The following KCNMB3 variants were observed in gnomAD, a reference collection of about 807,000 sequenced individuals.
KCNMB3 encodes calcium-activated potassium channel subunit beta-3.
KCNMB3 carries 18 observed loss-of-function variants against 11.9 expected under a neutral mutation model. The ratio of observed to expected loss-of-function variants is 1.51; its 90% CI spans 1.04 to 2.23. The LOEUF is 2.23. Among genes scored for constraint, KCNMB3 ranks in the 30% most tolerant of loss-of-function variants. The pLI is 0.00. For missense variants in KCNMB3, 247 were observed against 329.4 expected, an observed-to-expected ratio of 0.75 and a Z score of 1.94; for synonymous variants, 78 against 119.2, an observed-to-expected ratio of 0.65 and a Z score of 2.25.
At chr3:179,260,674 A>T in intron 1 of KCNMB3, 1 of 1,362,846 alleles carries the variant, frequency 7.3e-7, no homozygotes, top group East Asian at 2.3e-5. Context: ...CTATTTCTGA[A>T]TTTAGGATTA....
intron 1 of KCNMB3, 109 bp downstream of exon 1, chr3:179,250,634 T>C (rs765247977): frequency 1.3e-4 from 143 of 1,110,442 alleles, no homozygotes; most frequent in Non-Finnish European, 1.8e-4. Flanking sequence ...TTCTAGACCA[T>C]GGCAGAGAGT....
Position 179,260,524 on chromosome 3 carries a change from C to T in KCNMB3, c.62+6125G>A, listed in dbSNP as rs1726171960. 5.6e-6 allele frequency: 9 copies of T among 1,602,892 alleles called. No homozygotes were observed. In the Admixed American group the frequency reaches 6.7e-5, roughly 12 times the overall value. Reference sequence around the variant, plus strand: ...CTTTTCCCCACATTCGCCACGATTTCATTCTTCACCTCCACCTCACTGGCT... The same window carrying T: ...CTTTTCCCCACATTCGCCACGATTTTATTCTTCACCTCCACCTCACTGGCT... On this transcript the variant is annotated intron_variant, in intron 1 of 3. Transcript: ENST00000349697.
chr3:179,263,800 C>CTT (rs60270913), intron 1 of KCNMB3, among the ~76,000 whole-genome samples: 2,788 of 60,000 alleles, frequency 0.046, 178 homozygotes, highest in South Asian at 0.09. Context: ...TTTTTCTTTT[C>CTT]TTTTTTTTTT....
At position 179,244,354 on chromosome 3, in the gene KCNMB3, T is replaced by C. The variant is rs1725562941; in HGVS notation, c.447+141A>G. ...ACCAAGAAGAAAGCTTCATTTATCCTGATTTGATCACTATAAAAATGTTCA... is the reference window on the plus strand; with the variant it reads ...ACCAAGAAGAAAGCTTCATTTATCCCGATTTGATCACTATAAAAATGTTCA... On this transcript the variant is annotated intron_variant, in intron 2 of 2. Coordinates refer to ENST00000392685, the MANE Select transcript of KCNMB3 (RefSeq NM_171830.2). 6 of 646,664 alleles carry C rather than the reference T, an allele frequency of 9.3e-6. No individual in the cohort carries two copies. The Middle Eastern group carries it at 1.4e-3, about 154-fold the overall frequency. 40.1% of individuals were successfully genotyped at this position (646,664 alleles called of 1,614,324 possible).
intron 1 of KCNMB3, chr3:179,260,608 G>A: frequency 7.0e-7 from 1 of 1,437,204 alleles, no homozygotes. Context: ...TCGTCATCTT[G>A]GTAGGATCTT....
chr3:179,266,997 C>A, upstream of KCNMB3: 1 of 930,304 alleles, frequency 1.1e-6, no homozygotes, highest in Non-Finnish European at 1.4e-6. Flanking sequence ...TCTCTCTTTG[C>A]ACTGTGCTTG....
chr3:179,263,080 G>A (rs1369302347), intron 1 of KCNMB3, among the ~76,000 whole-genome samples: 2 of 152,262 alleles, frequency 1.3e-5, no homozygotes, highest in African/African-American at 4.8e-5. Flanking sequence ...GTGGTGGATG[G>A]GACTGGGTGC....
At chr3:179,259,390 A>G (rs567646802) in intron 1 of KCNMB3, 1 of 1,585,062 alleles carries the variant, frequency 6.3e-7, no homozygotes, top group Non-Finnish European at 8.6e-7. Context: ...GGGCCTGATG[A>G]TTGAACTGTG....
chr3:179,240,364 CTTGTATTTTAAGAA>C (rs1459754003), downstream of KCNMB3: 18 of 264,134 alleles, frequency 6.8e-5, no homozygotes, highest in Non-Finnish European at 1.4e-5. Flanking sequence ...GAATTATATG[CTTGTATTTTAAGAA>C]ATATATGTAT....
chr3:179,258,570 T>A (rs1726098871), intron 1 of KCNMB3, among the ~76,000 whole-genome samples: 1 of 152,214 alleles, frequency 6.6e-6, no homozygotes, highest in African/African-American at 2.4e-5. Flanking sequence ...AATATGAAAG[T>A]ACACATATAT....
upstream of KCNMB3, chr3:179,251,555 C>G: frequency 7.5e-7 from 1 of 1,327,732 alleles, no homozygotes; most frequent in Non-Finnish European, 9.6e-7. Context: ...TTCTTCTCTC[C>G]TCTCTCCACT....
chr3:179,252,752 G>C (rs1402301060), upstream of KCNMB3, among the ~76,000 whole-genome samples: 1 of 135,122 alleles, frequency 7.4e-6, no homozygotes, highest in Non-Finnish European at 1.5e-5. Flanking sequence ...TTTTTTTTGA[G>C]ATGGAGTCTC....
intron 2 of KCNMB3, among the ~76,000 whole-genome samples, chr3:179,243,968 C>CA (rs1725550218): frequency 6.6e-6 from 1 of 152,136 alleles, no homozygotes; most frequent in Admixed American, 6.5e-5. Context: ...TGCTTAAAGA[C>CA]AATAAAATGT....
intron 1 of KCNMB3, chr3:179,259,532 G>A (rs1261265885): frequency 2.5e-6 from 4 of 1,610,582 alleles, no homozygotes; most frequent in Admixed American, 3.3e-5. Context: ...CATTTTCACT[G>A]CTTTCTGCTG....
chr3:179,261,077 C>G, intron 1 of KCNMB3: 2 of 1,110,306 alleles, frequency 1.8e-6, no homozygotes, highest in South Asian at 2.5e-5. Flanking sequence ...CAGCATGTTA[C>G]GAGACCCCTT....
rs546655860 is a variant in KCNMB3 at position 179,260,489 on chromosome 3, C to A, written c.62+6160G>T. ...TGTGTTGTTCTTTCTCAGTATTGTG[C>A]AAGATTTCTCTTTTCCCCACATTCG... On this transcript the variant is annotated intron_variant, in intron 1 of 3. Transcript: ENST00000349697. 1.8e-4 allele frequency: 295 copies of A among 1,609,294 alleles called. 1 individual carries two copies. In the East Asian group the frequency reaches 5.6e-3, roughly 31 times the overall value.
At chr3:179,257,090 G>A (rs963990635) in intron 1 of KCNMB3, among the ~76,000 whole-genome samples, 5 of 152,154 alleles carry the variant, frequency 3.3e-5, no homozygotes, top group Non-Finnish European at 7.3e-5. Flanking sequence ...CTTGAGCCCA[G>A]GTGTTTGAGG....
At chr3:179,251,186 G>A (rs755475622), upstream of KCNMB3, 2 of 1,604,384 alleles carry the variant, frequency 1.2e-6, no homozygotes, top group South Asian at 1.1e-5. Flanking sequence ...CCTCATGCAA[G>A]TCTGTAGAGA....
intron 1 of KCNMB3, among the ~76,000 whole-genome samples, chr3:179,245,520 G>T (rs928924584): frequency 8.6e-5 from 13 of 151,446 alleles, no homozygotes; most frequent in African/African-American, 2.9e-4. Flanking sequence ...TTTTTGGGGG[G>T]GGGGATGGAG....
Sources: allele counts gnomAD v4.1 joint callset (sites outside exome capture counted in the v4.1 genomes callset), GRCh38; gene constraint gnomAD v4.1.1; transcripts MANE v1.5; gene names NCBI Gene and HGNC (gene_info 2026-07-23, HGNC 2026-07-21).